The following QKI variants were observed in gnomAD, a reference collection of about 807,000 sequenced individuals.
QKI encodes the protein KH domain-containing RNA-binding protein QKI.
QKI carries 10 observed loss-of-function variants against 39.0 expected under a neutral mutation model. The observed-to-expected ratio is 0.26, with a 90% confidence interval of 0.16 to 0.43. QKI has a LOEUF of 0.43. QKI is among the 20% of genes least tolerant of loss of function. The probability of loss-of-function intolerance (pLI) is 1.00; values close to 1 mark genes in which losing one functional copy is unlikely to be tolerated. For missense variants in QKI, 218 were observed against 428.0 expected, an observed-to-expected ratio of 0.51 and a Z score of 4.33; for synonymous variants, 204 against 155.4, an observed-to-expected ratio of 1.31 and a Z score of -2.33.
intron 3 of QKI, among the ~76,000 whole-genome samples, chr6:163,532,260 T>C (rs142442819): frequency 5.9e-5 from 9 of 152,390 alleles, no homozygotes; most frequent in Non-Finnish European, 1.0e-4. Context: ...TTAGTATCTA[T>C]ATGCATTAGT....
chr6:163,557,497 T>C (rs538587540), intron 4 of QKI, among the ~76,000 whole-genome samples: 12 of 152,272 alleles, frequency 7.9e-5, no homozygotes, highest in East Asian at 1.9e-4. Context: ...ATTGAACTTA[T>C]GGAGATAGAG....
chr6:163,452,087 A>T (rs767482666), intron 1 of QKI, among the ~76,000 whole-genome samples: 1 of 152,230 alleles, frequency 6.6e-6, no homozygotes, highest in Non-Finnish European at 1.5e-5. Flanking sequence ...GAATAAGTAT[A>T]TGAAGCACAG....
intron 2 of QKI, among the ~76,000 whole-genome samples, chr6:163,464,773 C>A (rs1210605067): frequency 6.6e-6 from 1 of 152,096 alleles, no homozygotes; most frequent in Non-Finnish European, 1.5e-5. Flanking sequence ...GACGAATTAC[C>A]ACCAACCCTT....
At chr6:163,528,675 A>C (rs1780664403) in intron 3 of QKI, among the ~76,000 whole-genome samples, 1 of 152,204 alleles carries the variant, frequency 6.6e-6, no homozygotes, top group Non-Finnish European at 1.5e-5. Flanking sequence ...ATCTCACCAT[A>C]GTATACTTGT....
At chr6:163,455,804 T>C (rs1437708703) in intron 2 of QKI, among the ~76,000 whole-genome samples, 2 of 152,224 alleles carry the variant, frequency 1.3e-5, no homozygotes, top group African/African-American at 4.8e-5. Context: ...ACCATAAGTT[T>C]CCTTTCAGCT....
At chr6:163,472,597 C>T (rs995455408) in intron 2 of QKI, among the ~76,000 whole-genome samples, 3 of 152,060 alleles carry the variant, frequency 2.0e-5, no homozygotes, top group African/African-American at 7.2e-5. Flanking sequence ...TTTTTAAGCA[C>T]CTATGGAATA....
At position 163,424,048 on chromosome 6, in the gene QKI, A is replaced by G. The variant is rs550768981; in HGVS notation, c.142+8713A>G. On this transcript the variant is annotated intron_variant, in intron 1 of 7. Coordinates refer to ENST00000361752, the MANE Select transcript of QKI (RefSeq NM_006775.3). ...ACCAGATAGCCACCAGGTAGCTACTATATCGTATTCCTGATGCCAGCATCT... is the reference window on the plus strand; with the variant it reads ...ACCAGATAGCCACCAGGTAGCTACTGTATCGTATTCCTGATGCCAGCATCT... Among the ~76,000 whole-genome samples the G allele has an allele frequency of 3.9e-5, 6 of 152,364 alleles. No homozygotes were observed. The South Asian group carries it at 6.2e-4, about 16-fold the overall frequency.
intron 3 of QKI, among the ~76,000 whole-genome samples, chr6:163,533,447 A>AT (rs2128240864): frequency 6.6e-6 from 1 of 152,328 alleles, no homozygotes; most frequent in African/African-American, 2.4e-5. Context: ...ATTTGTAAAT[A>AT]ACCACATTTT....
chr6:163,486,060 G>A (rs1400727962), intron 3 of QKI, among the ~76,000 whole-genome samples: 1 of 152,196 alleles, frequency 6.6e-6, no homozygotes, highest in Non-Finnish European at 1.5e-5. Context: ...GGGCTAGATG[G>A]TATCAGCCAC....
At chr6:163,532,123 T>G (rs544446438) in intron 3 of QKI, among the ~76,000 whole-genome samples, 138 of 152,340 alleles carry the variant, frequency 9.1e-4, no homozygotes, top group African/African-American at 2.5e-3. Flanking sequence ...TGAAAATAAT[T>G]ATTCCTTTTA....
intron 3 of QKI, among the ~76,000 whole-genome samples, chr6:163,490,341 T>C (rs2128228247): frequency 6.6e-6 from 1 of 152,302 alleles, no homozygotes; most frequent in East Asian, 1.9e-4. Flanking sequence ...ATGCCTGTGA[T>C]TTTTTACCCT....
chr6:163,548,658 A>AGAGATT (rs148562560), intron 4 of QKI, among the ~76,000 whole-genome samples: 7,358 of 152,272 alleles, frequency 0.048, 237 homozygotes, highest in Non-Finnish European at 0.077. Flanking sequence ...GCAGAGTGAG[A>AGAGATT]GAGATTGAGG....
chr6:163,525,354 C>G (rs911089132), intron 3 of QKI, among the ~76,000 whole-genome samples: 1 of 149,520 alleles, frequency 6.7e-6, no homozygotes, highest in African/African-American at 2.5e-5. Context: ...TCTTCTTTCC[C>G]TCCCTTCCTT....
Position 163,577,687 on chromosome 6 carries a change from T to C in QKI, c.*6977T>C, listed in dbSNP as rs575609641. ...GCTCTCTGGCTCCTGTGGATATCTG[T>C]GCTTGTTTCCTGGTCCAGGATGGTG... On this transcript the variant is annotated 3_prime_UTR_variant, in exon 8 of 8. Transcript: ENST00000361752. 6.6e-5 allele frequency: 10 copies of C among 152,544 alleles called. No homozygotes were observed. The highest frequency in any genetic ancestry group is 2.4e-4 in the African/African-American group (10 of 41,572). The allele number at this position is 152,544 out of a possible 1,614,324, so 9.4% of individuals were successfully genotyped here.
At position 163,415,283 on chromosome 6, in the gene QKI, C is replaced by T. The variant is rs1169628424; in HGVS notation, c.90C>T (p.Ser30=). The T allele has an allele frequency of 1.9e-6, 3 of 1,595,186 alleles. No homozygotes were observed. The highest frequency in any genetic ancestry group is 2.6e-6 in the Non-Finnish European group (3 of 1,168,156). The change falls in exon 1 of 8, where the codon AGC becomes AGT. Residue 30 remains serine (S), a synonymous_variant. Transcript: ENST00000361752. ...TGAACGACAAGAAGCTCATGAGCAGCCTGCCCAACTTCTGCGGGATCTTCA... is the reference window on the plus strand; with the variant it reads ...TGAACGACAAGAAGCTCATGAGCAGTCTGCCCAACTTCTGCGGGATCTTCA... ...QLMNDKKLMS[S]LPNFCGIFNH... is the part of the protein sequence containing the mutation.
At chr6:163,520,422 T>A (rs1780077097) in intron 3 of QKI, among the ~76,000 whole-genome samples, 1 of 152,194 alleles carries the variant, frequency 6.6e-6, no homozygotes, top group Admixed American at 6.5e-5. Flanking sequence ...GTTCAGGATT[T>A]TTTTTAAAAT....
intron 4 of QKI, among the ~76,000 whole-genome samples, chr6:163,535,865 G>A (rs1781169223): frequency 6.6e-6 from 1 of 152,222 alleles, no homozygotes; most frequent in African/African-American, 2.4e-5. Context: ...CTGGGAGGCA[G>A]AGGTTGCAGT....
chr6:163,479,217 A>C (rs1293992262), intron 3 of QKI, among the ~76,000 whole-genome samples: 2 of 151,584 alleles, frequency 1.3e-5, no homozygotes, highest in African/African-American at 4.8e-5. Flanking sequence ...TGAACCCGGG[A>C]GGCAGAGATT....
In QKI at chr6:163,452,801, C is replaced by T. The variant is rs77477739; in HGVS notation, c.143-2478C>T. 5.0e-3 allele frequency among the ~76,000 whole-genome samples: 760 copies of T among 152,300 alleles called. 6 individuals carry two copies. The highest frequency in any genetic ancestry group is 0.026 in the East Asian group (133 of 5,182). Reference sequence around the variant, plus strand: ...GGAGTGCAATGGCACCATCTCGGCTCACTGAAATCTCCGCCTCCTGAGTAC... The same window carrying T: ...GGAGTGCAATGGCACCATCTCGGCTTACTGAAATCTCCGCCTCCTGAGTAC... On this transcript the variant is annotated intron_variant, in intron 1 of 7. Transcript: ENST00000361752.
Sources: allele counts gnomAD v4.1 joint callset (sites outside exome capture counted in the v4.1 genomes callset), GRCh38; gene constraint gnomAD v4.1.1; transcripts MANE v1.5; gene names NCBI Gene and HGNC (gene_info 2026-07-23, HGNC 2026-07-21).